SLCO4C1: variants seen among roughly 807,000 people sequenced by gnomAD.
SLCO4C1 encodes solute carrier organic anion transporter family member 4C1.
SLCO4C1 carries 58 observed loss-of-function variants against 72.1 expected under a neutral mutation model. The ratio of observed to expected loss-of-function variants is 0.80; its 90% CI spans 0.65 to 1.00. The LOEUF (loss-of-function observed/expected upper bound fraction) is 1.00. Among genes scored for constraint, SLCO4C1 ranks in the 50% least tolerant of loss-of-function variants. The pLI is 0.00. For synonymous variants in SLCO4C1, 297 were observed against 312.5 expected (o/e 0.95, Z 0.52); for missense variants, 898 against 857.9 (o/e 1.05, Z -0.58).
At chr5:102,261,848 T>C in intron 5 of SLCO4C1, 64 bp downstream of exon 5, 1 of 1,486,168 alleles carries the variant, frequency 6.7e-7, no homozygotes, top group Non-Finnish European at 9.0e-7. Flanking sequence ...ATTAATCATA[T>C]AGAAAATAGC....
chr5:102,262,129 A>T, intron 4 of SLCO4C1, 96 bp from the exon 5 acceptor site: 1 of 935,318 alleles, frequency 1.1e-6, no homozygotes, highest in Non-Finnish European at 1.5e-6. Context: ...AAGTGCATAT[A>T]GTAGAATATG....
intron 8 of SLCO4C1, among the ~76,000 whole-genome samples, chr5:102,256,559 CAAAG>C (rs1179289533): frequency 6.6e-6 from 1 of 152,028 alleles, no homozygotes; most frequent in Non-Finnish European, 1.5e-5. Flanking sequence ...AAAAGGAAAA[CAAAG>C]AAATATAAAT....
At chr5:102,286,390 A>G (rs970860755) in intron 2 of SLCO4C1, among the ~76,000 whole-genome samples, 1 of 152,152 alleles carries the variant, frequency 6.6e-6, no homozygotes, top group African/African-American at 2.4e-5. Flanking sequence ...TTGCATGGTA[A>G]CATTAAAATA....
chr5:102,237,425 A>T (rs999140482), intron 12 of SLCO4C1, among the ~76,000 whole-genome samples: 2 of 146,994 alleles, frequency 1.4e-5, no homozygotes, highest in African/African-American at 5.0e-5. Context: ...CACCATAGGA[A>T]ACCCTGTCTC....
chr5:102,242,676 T>C (rs1168238404), intron 10 of SLCO4C1, among the ~76,000 whole-genome samples: 3 of 152,128 alleles, frequency 2.0e-5, no homozygotes, highest in Non-Finnish European at 2.9e-5. Flanking sequence ...TGAAGAGCCC[T>C]TGGGCCTGAA....
At chr5:102,290,028 A>C (rs2112402887) in intron 2 of SLCO4C1, among the ~76,000 whole-genome samples, 1 of 152,300 alleles carries the variant, frequency 6.6e-6, no homozygotes, top group East Asian at 1.9e-4. Flanking sequence ...AAAAAGGAAC[A>C]CCTGAGGTAT....
At chr5:102,269,084 T>C (rs930530976) in intron 3 of SLCO4C1, among the ~76,000 whole-genome samples, 27 of 152,226 alleles carry the variant, frequency 1.8e-4, no homozygotes, top group African/African-American at 6.5e-4. Flanking sequence ...TCTTCTTTTG[T>C]TATTTTTAGA....
intron 2 of SLCO4C1, among the ~76,000 whole-genome samples, chr5:102,291,000 A>G (rs1409671427): frequency 6.6e-6 from 1 of 152,180 alleles, no homozygotes; most frequent in Non-Finnish European, 1.5e-5. Context: ...AGCTGTAAAC[A>G]CAGCAAATAA....
intron 2 of SLCO4C1, among the ~76,000 whole-genome samples, chr5:102,283,216 C>T (rs1427144381): frequency 6.6e-6 from 1 of 151,650 alleles, no homozygotes; most frequent in African/African-American, 2.4e-5. Flanking sequence ...CTTTATTATT[C>T]ATTGCTACTA....
intron 2 of SLCO4C1, among the ~76,000 whole-genome samples, chr5:102,271,186 T>C (rs1580258069): frequency 6.6e-6 from 1 of 152,118 alleles, no homozygotes; most frequent in South Asian, 2.1e-4. Context: ...TTTTCACTTA[T>C]TATGTCCCGG....
At chr5:102,281,507 G>T (rs1166122652) in intron 2 of SLCO4C1, among the ~76,000 whole-genome samples, 1 of 152,062 alleles carries the variant, frequency 6.6e-6, no homozygotes, top group Non-Finnish European at 1.5e-5. Flanking sequence ...GAAAAGACAT[G>T]CTACAGACTG....
intron 12 of SLCO4C1, among the ~76,000 whole-genome samples, chr5:102,237,319 C>A (rs1201719410): frequency 5.9e-5 from 9 of 152,060 alleles, no homozygotes; most frequent in Non-Finnish European, 1.3e-4. Flanking sequence ...AATTGGGCCA[C>A]CATCTAGATT....
chr5:102,277,278 T>C (rs978424769), intron 2 of SLCO4C1, among the ~76,000 whole-genome samples: 1 of 151,386 alleles, frequency 6.6e-6, no homozygotes, highest in African/African-American at 2.4e-5. Flanking sequence ...AGGTGCCCCA[T>C]CCCCCTTCCA....
At chr5:102,293,064 A>G (rs1749584841) in intron 1 of SLCO4C1, among the ~76,000 whole-genome samples, 1 of 152,112 alleles carries the variant, frequency 6.6e-6, no homozygotes, top group African/African-American at 2.4e-5. Context: ...AGCTGAAAAT[A>G]TATTTCAAAA....
At position 102,240,763 on chromosome 5, in the gene SLCO4C1, G is replaced by A. The variant is rs374536178; in HGVS notation, c.1831C>T (p.Arg611Trp). The A allele has an allele frequency of 3.7e-5, 59 of 1,610,836 alleles. No homozygotes were observed. Among genetic ancestry groups the A allele is most frequent in the South Asian group, 1.2e-4 (11 of 90,660 alleles). ...SILRCVNHRQ[R>W]SLALGIQFMV... Reference sequence around the variant, plus strand: ...AATTGTATTCCCAAGGCTAGGGACCGTTGTCTGTGATTAACACACCTGGAA... The same window carrying A: ...AATTGTATTCCCAAGGCTAGGGACCATTGTCTGTGATTAACACACCTGGAA... The change falls in exon 11 of 13, where the codon CGG (arginine) becomes TGG (tryptophan). Residue 611 changes from arginine to tryptophan, a missense_variant. Physicochemically the swap from Arg to Trp is moderately radical, Grantham distance 101. Transcript: ENST00000310954.
intron 3 of SLCO4C1, among the ~76,000 whole-genome samples, chr5:102,265,937 A>C (rs1749029609): frequency 6.6e-6 from 1 of 152,100 alleles, no homozygotes; most frequent in South Asian, 2.1e-4. Context: ...CACTCTTTGA[A>C]TCCATGAGCA....
Position 102,258,049 on chromosome 5 carries a change from T to A in SLCO4C1, c.1167A>T (p.Leu389=), listed in dbSNP as rs142437512. 3.7e-6 allele frequency: 6 copies of A among 1,600,392 alleles called. No homozygotes were observed. Among genetic ancestry groups the A allele is most frequent in the Non-Finnish European group, 5.1e-6 (6 of 1,175,808 alleles). ...TAATTAAGGCTTCTGAAGAAGTTGATAGAACTAAACACATAAAGACAGCAT... is the reference window on the plus strand; with the variant it reads ...TAATTAAGGCTTCTGAAGAAGTTGAAAGAACTAAACACATAAAGACAGCAT... ...MKNAVFMCLV[L]STSSEALITT... Residue 389 remains leucine, a synonymous_variant, in exon 7 of 13, where the codon CTA becomes CTT. Transcript: ENST00000310954.
At chr5:102,282,607 T>A (rs935664205) in intron 2 of SLCO4C1, among the ~76,000 whole-genome samples, 4 of 152,010 alleles carry the variant, frequency 2.6e-5, no homozygotes, top group African/African-American at 7.2e-5. Flanking sequence ...ATATAAAATG[T>A]GTCCAACACA....
intron 8 of SLCO4C1, among the ~76,000 whole-genome samples, chr5:102,252,058 A>G (rs942508211): frequency 1.3e-5 from 2 of 151,230 alleles, no homozygotes; most frequent in African/African-American, 2.4e-5. Context: ...AAAAGCGAGA[A>G]GGAAGGGAAA....
Sources: allele counts gnomAD v4.1 joint callset (sites outside exome capture counted in the v4.1 genomes callset), GRCh38; gene constraint gnomAD v4.1.1; transcripts MANE v1.5; gene names NCBI Gene and HGNC (gene_info 2026-07-23, HGNC 2026-07-21).